PUS10: variants seen among roughly 807,000 people sequenced by gnomAD.
PUS10 encodes the protein pseudouridine synthase 10.
A neutral mutation model predicts 75.0 loss-of-function variants in PUS10; 59 were observed. That is an observed-to-expected ratio of 0.79 (90% CI 0.64 to 0.98). The LOEUF (loss-of-function observed/expected upper bound fraction) is 0.98. Ranked by LOEUF, PUS10 falls within the 50% of genes least tolerant of loss-of-function variation. The pLI, the probability that PUS10 is intolerant of heterozygous loss-of-function variation, is 0.00. For synonymous variants in PUS10, 219 were observed against 211.6 expected (o/e 1.03, Z -0.30); for missense variants, 650 against 614.4 (o/e 1.06, Z -0.61).
intron 15 of PUS10, among the ~76,000 whole-genome samples, chr2:60,950,435 T>A (rs1213940884): frequency 6.6e-6 from 1 of 152,188 alleles, no homozygotes; most frequent in African/African-American, 2.4e-5. Context: ...GCTTTTGTTT[T>A]GAGACAGAGT....
intron 4 of PUS10, among the ~76,000 whole-genome samples, chr2:60,989,766 C>T (rs1677960607): frequency 6.6e-6 from 1 of 151,994 alleles, no homozygotes; most frequent in Non-Finnish European, 1.5e-5. Context: ...CTACAGGCAC[C>T]CACCACCATG....
chr2:60,986,934 T>C (rs995704587), intron 4 of PUS10, among the ~76,000 whole-genome samples: 38 of 152,326 alleles, frequency 2.5e-4, no homozygotes, highest in African/African-American at 8.2e-4. Flanking sequence ...TCTTGTAAAA[T>C]TGGAAGTTTA....
At chr2:61,015,089 G>T (rs1322533145) in intron 1 of PUS10, among the ~76,000 whole-genome samples, 1 of 152,138 alleles carries the variant, frequency 6.6e-6, no homozygotes, top group Non-Finnish European at 1.5e-5. Flanking sequence ...AAGCTGACAA[G>T]GTGACAACTT....
intron 9 of PUS10, 137 bp downstream of exon 9, chr2:60,962,689 G>C: frequency 7.2e-7 from 1 of 1,385,544 alleles, no homozygotes; most frequent in Non-Finnish European, 9.4e-7. Flanking sequence ...CCATGGGTTG[G>C]AGAGATAACA....
chr2:60,964,099 C>A (rs1237281603), intron 8 of PUS10, among the ~76,000 whole-genome samples: 1 of 152,190 alleles, frequency 6.6e-6, no homozygotes, highest in African/African-American at 2.4e-5. Flanking sequence ...TGCTACCAAT[C>A]TGAAGCAACT....
At chr2:60,993,507 T>C (rs940314319) in intron 4 of PUS10, among the ~76,000 whole-genome samples, 1 of 151,912 alleles carries the variant, frequency 6.6e-6, no homozygotes, top group African/African-American at 2.4e-5. Context: ...AAATATGTAT[T>C]ACATTAAGAA....
rs2104124718 is a variant in PUS10 at position 60,946,916 on chromosome 2, G to A, written c.1451+1127C>T. 2.0e-5 allele frequency among the ~76,000 whole-genome samples: 3 copies of A among 151,978 alleles called. No homozygotes were observed. The East Asian group carries it at 5.8e-4, about 29-fold the overall frequency. ...TTCTATACCAGTTAGAAGGTATTTT[G>A]TCACTTCATGCTATTGGATCACAGA... On this transcript the variant is annotated intron_variant, in intron 16 of 17. Coordinates refer to ENST00000316752, the MANE Select transcript of PUS10 (RefSeq NM_144709.4).
chr2:61,015,686 G>C (rs539390626), intron 1 of PUS10, among the ~76,000 whole-genome samples: 10 of 152,128 alleles, frequency 6.6e-5, no homozygotes, highest in Admixed American at 6.5e-4. Flanking sequence ...GCAACAGAGC[G>C]AGACTCCATC....
chr2:60,943,237 T>C (rs1312716089), intron 17 of PUS10, among the ~76,000 whole-genome samples: 1 of 152,144 alleles, frequency 6.6e-6, no homozygotes, highest in Non-Finnish European at 1.5e-5. Context: ...AATAAATGAT[T>C]ATGAAAGATG....
chr2:60,957,263 A>G (rs902269004), intron 11 of PUS10, among the ~76,000 whole-genome samples: 2 of 152,202 alleles, frequency 1.3e-5, no homozygotes, highest in African/African-American at 2.4e-5. Context: ...ATCAGGAACT[A>G]TAAGTGGTTC....
rs1476912181 is a variant in PUS10 at position 60,986,611 on chromosome 2, T to C, written c.469-15054A>G. Among the ~76,000 whole-genome samples, 4 of 152,342 alleles carry C rather than the reference T, an allele frequency of 2.6e-5. No individual in the cohort carries two copies. The South Asian group carries it at 8.3e-4, about 32-fold the overall frequency. ...TGGTTATATGTCAAGCTGTTGATATTTAAGTCTTTCTAAATTTATTAAAGC... is the reference window on the plus strand; with the variant it reads ...TGGTTATATGTCAAGCTGTTGATATCTAAGTCTTTCTAAATTTATTAAAGC... On this transcript the variant is annotated intron_variant, in intron 4 of 17. Transcript: ENST00000316752.
chr2:60,942,444 G>A lies in PUS10; in HGVS notation c.1552-11C>T, dbSNP rs1238476770. The A allele has an allele frequency of 1.2e-6, 2 of 1,607,938 alleles. No homozygotes were observed. On this transcript the variant is annotated splice_polypyrimidine_tract_variant and intron_variant, in intron 17 of 17. Transcript: ENST00000316752. ...GTCAACATCTACAGACTAGAAGGGA[G>A]AAAAGAAGTCATTAAAACAGATATT...
intron 4 of PUS10, among the ~76,000 whole-genome samples, chr2:60,984,845 T>C (rs79060322): frequency 0.014 from 2,186 of 152,260 alleles, 80 homozygotes; most frequent in Admixed American, 0.075. Flanking sequence ...AAACCCAAAC[T>C]ATGTGCAGTA....
intron 17 of PUS10, among the ~76,000 whole-genome samples, chr2:60,943,548 T>C (rs1197178152): frequency 6.6e-6 from 1 of 152,058 alleles, no homozygotes; most frequent in Admixed American, 6.6e-5. Flanking sequence ...AATTATTTAC[T>C]GAAAATTTTT....
intron 16 of PUS10, among the ~76,000 whole-genome samples, chr2:60,946,987 A>C (rs1169413239): frequency 6.6e-6 from 1 of 152,266 alleles, no homozygotes; most frequent in Non-Finnish European, 1.5e-5. Flanking sequence ...AGACCTTCAA[A>C]AAGTAAACTA....
intron 4 of PUS10, among the ~76,000 whole-genome samples, chr2:60,971,893 C>T (rs1422525094): frequency 8.0e-5 from 9 of 112,052 alleles, no homozygotes; most frequent in Admixed American, 1.2e-4. Flanking sequence ...TTTTTTGAGA[C>T]GGAGTCTCGC....
chr2:60,964,914 A>T, intron 8 of PUS10, 144 bp downstream of exon 8: 1 of 766,504 alleles, frequency 1.3e-6, no homozygotes, highest in Non-Finnish European at 2.2e-6. Flanking sequence ...ACAAAAATTA[A>T]TGTAGCAAAT....
In PUS10 at chr2:60,948,130, G is replaced by A. The variant is rs375056493; in HGVS notation, c.1364C>T (p.Ala455Val). The A allele has an allele frequency of 6.2e-6, 10 of 1,614,156 alleles. No homozygotes were observed. The highest frequency in any genetic ancestry group is 1.3e-5 in the African/African-American group (1 of 75,028). Residue 455 changes from alanine to valine, a missense_variant, in exon 16 of 18, where the codon GCT becomes GTT. Ala to Val is a moderately conservative substitution (Grantham distance 64, BLOSUM62 0). Coordinates refer to ENST00000316752, the MANE Select transcript of PUS10 (RefSeq NM_144709.4). ...GAAGTGAATGACGCGAGCTCGCACA[G>A]CCAGGGGCCTTCGGTGAAGGACGCG... ...PLRVLHRRPL[A>V]VRARVIHFME... is the part of the protein sequence containing the mutation.
chr2:60,992,832 T>TA, intron 4 of PUS10, among the ~76,000 whole-genome samples: 1 of 152,328 alleles, frequency 6.6e-6, no homozygotes, highest in African/African-American at 2.4e-5. Context: ...GAGAGAAACT[T>TA]AGATTCCACC....
Sources: gnomAD v4.1 joint callset for allele counts (sites outside exome capture counted in the v4.1 genomes callset) on GRCh38, gnomAD v4.1.1 for gene constraint, MANE v1.5 for transcripts, NCBI Gene and HGNC (gene_info 2026-07-23, HGNC 2026-07-21) for gene names.